Variants in MON1B observed in about 807,000 individuals in gnomAD.
MON1B encodes the protein MON1 vesicular trafficking associated B.
Under a neutral mutation model 45.1 loss-of-function variants are expected in MON1B, and 26 were observed. The ratio of observed to expected loss-of-function variants is 0.58; its 90% CI spans 0.42 to 0.80. The LOEUF is 0.80. Ranked by LOEUF, MON1B falls within the 30% of genes least tolerant of loss-of-function variation. MON1B has a pLI of 0.00. For missense variants in MON1B, 737 were observed against 754.5 expected (o/e 0.98, Z 0.27); for synonymous variants, 395 against 320.2 (o/e 1.23, Z -2.49).
rs1220123998 is a variant in MON1B, at chr16:77,194,191, AC to A, written c.476-140del. ...GTCCAGATTCCTCCAGCTTGTCCTT[AC>A]CCCAGTCCAGGTGCCCACAGAGTGA... On this transcript the variant is annotated intron_variant, in intron 3 of 5. Transcript: ENST00000248248. This position sits in a 1 kb window ranked among gnomAD's most constrained non-coding sequence, Gnocchi z 8.1. 1.3e-6 allele frequency: 1 copy of A among 768,522 alleles called. No individual in the cohort carries two copies. The highest frequency in any genetic ancestry group is 2.3e-6 in the Non-Finnish European group (1 of 439,086). 47.6% of individuals were successfully genotyped at this position (768,522 alleles called of 1,614,324 possible). A position where few individuals can be genotyped will look rare whatever the true frequency, so the allele number is the denominator to read the frequency against.
In MON1B at chr16:77,200,291, T is replaced by TATATATATACATATATATATATATAC; in HGVS notation, c.*1984_*1985insTATATATACATATATATATATATACA. The stretch of plus-strand genomic sequence containing the variant: ...ATATATGTGTATATATATATATATA[T>TATATATATACATATATATATATATAC]ACACACACTAATCAGCCGGGCGCGG... On this transcript the variant is annotated 3_prime_UTR_variant, in exon 6 of 6. Transcript: ENST00000248248. The TATATATATACATATATATATATATAC allele has an allele frequency of 2.7e-5, 3 of 111,428 alleles. No individual in the cohort carries two copies. Among genetic ancestry groups the TATATATATACATATATATATATATAC allele is most frequent in the Non-Finnish European group, 5.7e-5 (3 of 52,238 alleles). 6.9% of individuals were successfully genotyped at this position (111,428 alleles called of 1,614,324 possible).
Position 77,193,516 on chromosome 16 carries a change from A to G in MON1B, c.214A>G (p.Thr72Ala). Residue 72 changes from threonine to alanine, a missense_variant, in exon 3 of 6, where the codon ACC becomes GCC. Coordinates refer to ENST00000248248, the MANE Select transcript of MON1B (RefSeq NM_014940.4). This position sits in a 1 kb window ranked among gnomAD's most constrained non-coding sequence, Gnocchi z 5.0. ...PPPQSEALSS[T>A]SRLWSPAAPE... ...GCCCCAGTCAGAGGCCCTGTCAAGC[A>G]CCTCTCGGCTCTGGAGTCCTGCAGC... is the stretch of plus-strand genomic sequence containing the variant. 6.2e-7 allele frequency: 1 copy of G among 1,610,696 alleles called. No individual in the cohort carries two copies. Among genetic ancestry groups the G allele is most frequent in the Non-Finnish European group, 8.5e-7 (1 of 1,177,736 alleles).
chr16:77,197,525 G>A (rs544846774), intron 5 of MON1B, among the ~76,000 whole-genome samples: 2 of 152,284 alleles, frequency 1.3e-5, no homozygotes, highest in East Asian at 3.9e-4. Flanking sequence ...GTGGATATTA[G>A]GAGGAAGAGT....
rs138097149 is a variant in MON1B at position 77,193,749 on chromosome 16, G to A, written c.447G>A (p.Ala149=). 83 of 1,613,130 alleles carry A rather than the reference G, an allele frequency of 5.1e-5. 1 individual carries two copies. The highest frequency in any genetic ancestry group is 5.9e-5 in the Non-Finnish European group (69 of 1,179,446). The change falls in exon 3 of 6, where the codon GCG becomes GCA. Residue 149 remains alanine, a synonymous_variant. Coordinates refer to ENST00000248248, the MANE Select transcript of MON1B (RefSeq NM_014940.4). This position sits in a 1 kb window ranked among gnomAD's most constrained non-coding sequence, Gnocchi z 5.0. ...MTALVSFVQS[A]GDAIRAIYAE... is the part of the protein sequence containing the mutation. ...CCCTGGTGTCCTTTGTGCAGAGTGC[G>A]GGAGATGCCATCCGTGCCATCTACG... is the stretch of plus-strand genomic sequence containing the variant.
At position 77,200,291 on chromosome 16, in the gene MON1B, T is replaced by TATATATATATATAC; in HGVS notation, c.*1984_*1985insTATATATATATACA. The TATATATATATATAC allele has an allele frequency of 6.7e-4, 75 of 111,368 alleles. 5 individuals carry two copies. Among genetic ancestry groups the TATATATATATATAC allele is most frequent in the South Asian group, 2.2e-3 (8 of 3,682 alleles). 6.9% of individuals were successfully genotyped at this position (111,368 alleles called of 1,614,324 possible). ...ATATATGTGTATATATATATATATA[T>TATATATATATATAC]ACACACACTAATCAGCCGGGCGCGG... is the stretch of plus-strand genomic sequence containing the variant. On this transcript the variant is annotated 3_prime_UTR_variant, in exon 6 of 6. Transcript: ENST00000248248.
Position 77,198,140 on chromosome 16 carries a change from C to G in MON1B, c.1476C>G (p.Leu492=), listed in dbSNP as rs745555390. ...VTSKFELYTC[L]SPLVTKAGAI... ...CCAAATTCGAGCTCTATACCTGCCT[C>G]AGCCCTCTGGTGACCAAGGCAGGTG... is the stretch of plus-strand genomic sequence containing the variant. Residue 492 remains leucine (L), a synonymous_variant, in exon 6 of 6, where the codon CTC becomes CTG. Coordinates refer to ENST00000248248, the MANE Select transcript of MON1B (RefSeq NM_014940.4). The G allele has an allele frequency of 1.6e-5, 26 of 1,614,184 alleles. No homozygotes were observed. In the South Asian group the frequency reaches 2.7e-4, roughly 17 times the overall value.
rs775192031 is a variant in MON1B at position 77,198,452 on chromosome 16, G to A, written c.*144G>A. Reference sequence around the variant, plus strand: ...ATGGGGCAAGGTCTGAGGGCCCACCGATGAGAGAGATGGTGGCAGCCGCCA... The same window carrying A: ...ATGGGGCAAGGTCTGAGGGCCCACCAATGAGAGAGATGGTGGCAGCCGCCA... On this transcript the variant is annotated 3_prime_UTR_variant, in exon 6 of 6. Transcript: ENST00000248248. The A allele has an allele frequency of 1.6e-5, 14 of 864,422 alleles. No individual in the cohort carries two copies. The highest frequency in any genetic ancestry group is 1.5e-4 in the South Asian group (9 of 58,822). The allele number at this position is 864,422 out of a possible 1,614,324, so 53.5% of individuals were successfully genotyped here.
At position 77,191,495 on chromosome 16, in the gene MON1B, G is replaced by A. The variant is rs981872884; in HGVS notation, c.10G>A (p.Gly4Arg). The stretch of plus-strand genomic sequence containing the variant: ...ACTCAGGGATGTGCAGATGGAGGTC[G>A]GAGGAGACACTGCTGCCCCGGCCCC... MEVGGDTAAPAPGG... is the reference protein window; with the variant it reads MEVRGDTAAPAPGG... Residue 4 changes from glycine (G) to arginine (R), a missense_variant, in exon 2 of 6, where the codon GGA (glycine) becomes AGA (arginine). Gly to Arg is a moderately radical substitution (Grantham distance 125). Transcript: ENST00000248248. 3 of 1,602,766 alleles carry A rather than the reference G, an allele frequency of 1.9e-6. No homozygotes were observed. Among genetic ancestry groups the A allele is most frequent in the Admixed American group, 1.8e-5 (1 of 56,170 alleles).
rs1273001153 is a variant in MON1B at position 77,200,270 on chromosome 16, A to ATATGTG, written c.*1963_*1964insATGTGT. 3 of 95,022 alleles carry ATATGTG rather than the reference A, an allele frequency of 3.2e-5. No individual in the cohort carries two copies. The highest frequency in any genetic ancestry group is 9.8e-5 in the Admixed American group (1 of 10,178). 5.9% of individuals were successfully genotyped at this position (95,022 alleles called of 1,614,324 possible). On this transcript the variant is annotated 3_prime_UTR_variant, in exon 6 of 6. Transcript: ENST00000248248. ...TATGTATATGTGTATATATATATATATGTGTATATATATATATATATACAC... is the reference window on the plus strand; with the variant it reads ...TATGTATATGTGTATATATATATATATATGTGTGTGTATATATATATATATATACAC...
Position 77,198,186 on chromosome 16 carries a change from C to G in MON1B, c.1522C>G (p.Leu508Val). 2 of 1,614,190 alleles carry G rather than the reference C, an allele frequency of 1.2e-6. No individual in the cohort carries two copies. Among genetic ancestry groups the G allele is most frequent in the East Asian group, 2.2e-5 (1 of 44,862 alleles). ...AGGTGCAATCTTGGTAGTGACCAAA[C>G]TCCTGCGCTGGGTGAAGAAAGAGGA... is the stretch of plus-strand genomic sequence containing the variant. ...KAGAILVVTK[L>V]LRWVKKEEDR... is the part of the protein sequence containing the mutation. The change falls in exon 6 of 6, where the codon CTC (leucine) becomes GTC (valine). Residue 508 changes from leucine to valine, a missense_variant. By Grantham distance (32) the Leu-to-Val change is conservative. Coordinates refer to ENST00000248248, the MANE Select transcript of MON1B (RefSeq NM_014940.4).
chr16:77,199,892 A>G lies in MON1B; in HGVS notation c.*1584A>G. On this transcript the variant is annotated 3_prime_UTR_variant, in exon 6 of 6. Coordinates refer to ENST00000248248, the MANE Select transcript of MON1B (RefSeq NM_014940.4). ...CCATTTCACACCTAACACATATGAC[A>G]CTTTGATGGACTCTTAAACCTCCTA... 5.9e-6 allele frequency: 1 copy of G among 169,494 alleles called. No individual in the cohort carries two copies. Among genetic ancestry groups the G allele is most frequent in the Non-Finnish European group, 1.3e-5 (1 of 79,460 alleles). The allele number at this position is 169,494 out of a possible 1,614,324, so 10.5% of individuals were successfully genotyped here.
Position 77,200,254 on chromosome 16 carries a change from G to GTATATATATATA in MON1B, c.*1947_*1948insATATATATATAT, listed in dbSNP as rs71382656. The GTATATATATATA allele has an allele frequency of 1.2e-5, 1 of 84,382 alleles. No individual in the cohort carries two copies. The highest frequency in any genetic ancestry group is 3.9e-5 in the African/African-American group (1 of 25,682). 5.2% of individuals were successfully genotyped at this position (84,382 alleles called of 1,614,324 possible). Reference sequence around the variant, plus strand: ...TGTGTATATATATATATATGTATATGTGTATATATATATATATGTGTATAT... The same window carrying GTATATATATATA: ...TGTGTATATATATATATATGTATATGTATATATATATATGTATATATATATATATGTGTATAT... On this transcript the variant is annotated 3_prime_UTR_variant, in exon 6 of 6. Coordinates refer to ENST00000248248, the MANE Select transcript of MON1B (RefSeq NM_014940.4).
chr16:77,191,858 T>TAGGTC (rs1245188536), intron 2 of MON1B, among the ~76,000 whole-genome samples: 5 of 152,042 alleles, frequency 3.3e-5, no homozygotes, highest in Non-Finnish European at 5.9e-5. Context: ...GGTGTGAGTT[T>TAGGTC]AGGTCATTGA....
Position 77,191,227 on chromosome 16 carries a change from A to G in MON1B, c.-42A>G, listed in dbSNP as rs1432833129. 2.6e-6 allele frequency: 4 copies of G among 1,536,466 alleles called. No homozygotes were observed. The African/African-American group carries it at 4.1e-5, about 16-fold the overall frequency. Reference sequence around the variant, plus strand: ...ACCGCCGCTACGGGGAAGTAATGGTATCCGGCCAATTGAGATTCGGAGTTA... The same window carrying G: ...ACCGCCGCTACGGGGAAGTAATGGTGTCCGGCCAATTGAGATTCGGAGTTA... On this transcript the variant is annotated 5_prime_UTR_variant, in exon 1 of 6. Coordinates refer to ENST00000248248, the MANE Select transcript of MON1B (RefSeq NM_014940.4).
rs1418028982 is a variant in MON1B at position 77,201,682 on chromosome 16, T to C, written c.*3374T>C. 2.0e-5 allele frequency: 3 copies of C among 152,140 alleles called. No individual in the cohort carries two copies. Among genetic ancestry groups the C allele is most frequent in the Non-Finnish European group, 2.9e-5 (2 of 68,018 alleles). 9.4% of individuals were successfully genotyped at this position (152,140 alleles called of 1,614,324 possible). A position where few individuals can be genotyped will look rare whatever the true frequency, so the allele number is the denominator to read the frequency against. On this transcript the variant is annotated 3_prime_UTR_variant, in exon 6 of 6. Coordinates refer to ENST00000248248, the MANE Select transcript of MON1B (RefSeq NM_014940.4). The stretch of plus-strand genomic sequence containing the variant: ...GTTGATGTAGGCACAACACAAGAAG[T>C]AGTCACAGAAATTGCTAAGTCTAGG...
At position 77,198,495 on chromosome 16, in the gene MON1B, C is replaced by T; in HGVS notation, c.*187C>T. 1.6e-6 allele frequency: 1 copy of T among 644,452 alleles called. No individual in the cohort carries two copies. The highest frequency in any genetic ancestry group is 2.7e-6 in the Non-Finnish European group (1 of 374,430). 39.9% of individuals were successfully genotyped at this position (644,452 alleles called of 1,614,324 possible). On this transcript the variant is annotated 3_prime_UTR_variant, in exon 6 of 6. Coordinates refer to ENST00000248248, the MANE Select transcript of MON1B (RefSeq NM_014940.4). Reference sequence around the variant, plus strand: ...AGCCGCCAGGCGAGCAGGCTGCTTTCCCTGCCCAGTCATGCACCTCCCCCT... The same window carrying T: ...AGCCGCCAGGCGAGCAGGCTGCTTTTCCTGCCCAGTCATGCACCTCCCCCT...
rs1484411016 is a variant in MON1B at position 77,191,528 on chromosome 16, G to A, written c.43G>A (p.Ala15Thr). 3 of 1,609,218 alleles carry A rather than the reference G, an allele frequency of 1.9e-6. No homozygotes were observed. Among genetic ancestry groups the A allele is most frequent in the South Asian group, 2.2e-5 (2 of 90,660 alleles). Residue 15 changes from alanine to threonine, a missense_variant, in exon 2 of 6, where the codon GCG becomes ACG. Transcript: ENST00000248248. ...GDTAAPAPGG[A>T]EDLEDTQFPS... is the part of the protein sequence containing the mutation. ...CACTGCTGCCCCGGCCCCCGGGGGC[G>A]CGGAGGACTTGGAGGACACGCAGTT...
In MON1B at chr16:77,193,612, G is replaced by A; in HGVS notation, c.310G>A (p.Glu104Lys). ...GGQGGDPSDE[E>K]WRSQRKHVFV... Reference sequence around the variant, plus strand: ...CCAGGGCGGGGACCCCAGTGATGAGGAGTGGCGCAGCCAGCGGAAGCATGT... The same window carrying A: ...CCAGGGCGGGGACCCCAGTGATGAGAAGTGGCGCAGCCAGCGGAAGCATGT... The change falls in exon 3 of 6, where the codon GAG becomes AAG. Residue 104 changes from glutamate (E) to lysine (K), a missense_variant. Transcript: ENST00000248248. The surrounding 1 kb of genome is among the most constrained non-coding windows in gnomAD (Gnocchi z 5.0). 1 of 1,614,126 alleles carries A rather than the reference G, an allele frequency of 6.2e-7. No individual in the cohort carries two copies. Among genetic ancestry groups the A allele is most frequent in the African/African-American group, 1.3e-5 (1 of 75,048 alleles).
chr16:77,195,655 G>A lies in MON1B; in HGVS notation c.1416G>A (p.Val472=). 1 of 1,614,094 alleles carries A rather than the reference G, an allele frequency of 6.2e-7. No homozygotes were observed. The highest frequency in any genetic ancestry group is 8.5e-7 in the Non-Finnish European group (1 of 1,180,010). Residue 472 remains valine (V), a synonymous_variant, in exon 5 of 6, where the codon GTG becomes GTA. Transcript: ENST00000248248. ...GACCCCTGCGCCTCATTTACCACGT[G>A]GCTGAGAAGGAGACACTACTGGCCT... ...TSRPLRLIYH[V]AEKETLLAWV...
Sources: gnomAD v4.1 joint callset for allele counts (sites outside exome capture counted in the v4.1 genomes callset) on GRCh38, gnomAD v4.1.1 for gene constraint, Gnocchi (gnomAD v3.1) non-coding constraint, MANE v1.5 for transcripts, NCBI Gene and HGNC (gene_info 2026-07-23, HGNC 2026-07-21) for gene names.